The following ADCY9 variants were observed in gnomAD, a reference collection of about 807,000 sequenced individuals.
The protein encoded by ADCY9 is adenylate cyclase type 9.
In ADCY9, 50 loss-of-function variants were observed where a neutral mutation model predicts 101.5. The observed-to-expected ratio is 0.49, with a 90% CI of 0.39 to 0.62. ADCY9 has a LOEUF of 0.62. Ranked by LOEUF, ADCY9 falls within the 20% of genes least tolerant of loss-of-function variation. The probability of loss-of-function intolerance (pLI) is 0.00; values close to 1 mark genes in which losing one functional copy is unlikely to be tolerated. For missense variants in ADCY9, 1,662 were observed against 1,800.4 expected, an observed-to-expected ratio of 0.92 and a Z score of 1.39; for synonymous variants, 905 against 769.3, an observed-to-expected ratio of 1.18 and a Z score of -2.92.
intron 2 of ADCY9, among the ~76,000 whole-genome samples, chr16:4,053,019 T>C (rs560654334): frequency 1.3e-5 from 2 of 152,336 alleles, no homozygotes; most frequent in South Asian, 2.1e-4. Flanking sequence ...ACAAACTGAT[T>C]TTTTAATCAC....
intron 2 of ADCY9, among the ~76,000 whole-genome samples, chr16:4,018,951 T>TTGTGTGTGTGTGTGTG (rs58093859): frequency 0.093 from 12,844 of 138,850 alleles, 736 homozygotes; most frequent in South Asian, 0.23. Context: ...AGAATCGCAG[T>TTGTGTGTGTGTGTGTG]TGTGTGTGTG....
At chr16:4,038,201 A>G (rs1412766054) in intron 2 of ADCY9, among the ~76,000 whole-genome samples, 3 of 151,610 alleles carry the variant, frequency 2.0e-5, no homozygotes, top group Non-Finnish European at 4.4e-5. Context: ...GGATCGCCTG[A>G]GCCCAGGAGG....
chr16:4,045,594 TA>T (rs545715002), intron 2 of ADCY9, among the ~76,000 whole-genome samples: 7 of 64,962 alleles, frequency 1.1e-4, no homozygotes, highest in Admixed American at 8.8e-4. Context: ...GACTCTGCCT[TA>T]AAAAAAAAAA....
chr16:3,977,549 A>C lies in ADCY9; in HGVS notation c.2761T>G (p.Ser921Ala), dbSNP rs1464029468. The C allele has an allele frequency of 1.2e-6, 2 of 1,607,000 alleles. No individual in the cohort carries two copies. The highest frequency in any genetic ancestry group is 1.7e-6 in the Non-Finnish European group (2 of 1,177,216). ...GCCCCCACGACGGTGGCGAGGGAGG[A>C]CCTCATCCAGGAGCTGAGCTGGCAG... ...NFCQLSSWMR[S>A]SLATVVGAGP... The change falls in exon 9 of 11, where the codon TCC (serine) becomes GCC (alanine). Residue 921 changes from serine to alanine, a missense_variant. Ser to Ala is a moderately conservative substitution (Grantham distance 99). Coordinates refer to ENST00000294016, the MANE Select transcript of ADCY9 (RefSeq NM_001116.4).
intron 2 of ADCY9, among the ~76,000 whole-genome samples, chr16:4,041,613 A>G (rs1361265902): frequency 6.6e-6 from 1 of 151,956 alleles, no homozygotes; most frequent in Non-Finnish European, 1.5e-5. Flanking sequence ...ATCACAAATA[A>G]AGTACTAGCA....
intron 6 of ADCY9, among the ~76,000 whole-genome samples, chr16:3,988,413 G>C (rs1567425382): frequency 6.6e-6 from 1 of 151,016 alleles, no homozygotes; most frequent in Non-Finnish European, 1.5e-5. Flanking sequence ...GCTCTTCCAG[G>C]GCAGGTCGGT....
chr16:4,020,334 G>C (rs1190091123), intron 2 of ADCY9, among the ~76,000 whole-genome samples: 1 of 152,162 alleles, frequency 6.6e-6, no homozygotes, highest in Non-Finnish European at 1.5e-5. Context: ...GAATGAATTG[G>C]AAACAGAAAG....
Position 3,962,690 on chromosome 16 carries a change from T to C in ADCY9, c.*3085A>G, listed in dbSNP as rs2055947486. On this transcript the variant is annotated 3_prime_UTR_variant, in exon 11 of 11. Transcript: ENST00000294016. ...AATATTTTAATGTCCATTTCTTCAG[T>C]GAATGCATTTTGAAATTATTAGAAT... The C allele has an allele frequency of 6.6e-6, 1 of 152,162 alleles. No homozygotes were observed. Among genetic ancestry groups the C allele is most frequent in the Non-Finnish European group, 1.5e-5 (1 of 68,032 alleles). The allele number at this position is 152,162 out of a possible 1,614,324, so 9.4% of individuals were successfully genotyped here. A position where few individuals can be genotyped will look rare whatever the true frequency, so the allele number is the denominator to read the frequency against.
chr16:4,066,094 G>A (rs569075235), intron 2 of ADCY9, among the ~76,000 whole-genome samples: 8 of 152,208 alleles, frequency 5.3e-5, no homozygotes, highest in Non-Finnish European at 1.2e-4. Flanking sequence ...CCGCAGAGGA[G>A]ACGGTTCTCC....
chr16:4,105,114 T>C (rs1228392981), intron 2 of ADCY9, among the ~76,000 whole-genome samples: 1 of 152,054 alleles, frequency 6.6e-6, no homozygotes, highest in Non-Finnish European at 1.5e-5. Flanking sequence ...ATCCAGACAT[T>C]AAAGAGATTT....
At chr16:4,093,024 TTA>T (rs1211006369) in intron 2 of ADCY9, among the ~76,000 whole-genome samples, 3 of 145,182 alleles carry the variant, frequency 2.1e-5, no homozygotes, top group African/African-American at 7.4e-5. Context: ...AATTGCTATA[TTA>T]GTAAAAGCCA....
chr16:4,087,871 TTCTG>T (rs1242533771), intron 2 of ADCY9, among the ~76,000 whole-genome samples: 1 of 148,850 alleles, frequency 6.7e-6, no homozygotes, highest in Non-Finnish European at 1.5e-5. Context: ...TTCTCTTTGT[TTCTG>T]TCTCTCTCGC....
In ADCY9 at chr16:3,965,045, G is replaced by A. The variant is rs879619; in HGVS notation, c.*730C>T. The stretch of plus-strand genomic sequence containing the variant: ...TGAGACCCCCGAGGCCTGGGCACAC[G>A]GGCGTCGTGCCCGGCTGGCATTTGC... On this transcript the variant is annotated 3_prime_UTR_variant, in exon 11 of 11. Coordinates refer to ENST00000294016, the MANE Select transcript of ADCY9 (RefSeq NM_001116.4). The A allele has an allele frequency of 0.13, 20,309 of 152,270 alleles. 1,834 individuals are homozygous for A. The highest frequency in any genetic ancestry group is 0.27 in the East Asian group (1,368 of 5,148). 9.4% of individuals were successfully genotyped at this position (152,270 alleles called of 1,614,324 possible). A position where few individuals can be genotyped will look rare whatever the true frequency, so the allele number is the denominator to read the frequency against.
chr16:4,046,078 TG>T (rs1221083565), intron 2 of ADCY9, among the ~76,000 whole-genome samples: 1 of 152,022 alleles, frequency 6.6e-6, no homozygotes, highest in Non-Finnish European at 1.5e-5. Context: ...CTCCAAATCC[TG>T]GGCTCAAGTG....
Position 4,111,585 on chromosome 16 carries a change from A to G in ADCY9, c.1693+2165T>C, listed in dbSNP as rs146837809. 2.3e-4 allele frequency among the ~76,000 whole-genome samples: 35 copies of G among 152,296 alleles called. No homozygotes were observed. In the East Asian group the frequency reaches 6.4e-3, roughly 28 times the overall value. On this transcript the variant is annotated intron_variant, in intron 2 of 10. Coordinates refer to ENST00000294016, the MANE Select transcript of ADCY9 (RefSeq NM_001116.4). Reference sequence around the variant, plus strand: ...TTCCAAAAGGGCCAGGAAGTTGTGTAGACATACTCTATTCCTGGAGTCCTA... The same window carrying G: ...TTCCAAAAGGGCCAGGAAGTTGTGTGGACATACTCTATTCCTGGAGTCCTA...
intron 2 of ADCY9, among the ~76,000 whole-genome samples, chr16:4,064,135 A>T (rs1169003352): frequency 6.6e-6 from 1 of 152,246 alleles, no homozygotes; most frequent in Admixed American, 6.5e-5. Context: ...TTTTGTGTAT[A>T]CCAGCAATGA....
At chr16:3,999,839 G>A (rs10852639) in intron 3 of ADCY9, among the ~76,000 whole-genome samples, 14,163 of 152,250 alleles carry the variant, frequency 0.093, 856 homozygotes, top group Admixed American at 0.14. Flanking sequence ...ATTTCAGGAC[G>A]TGCACCCTAC....
intron 3 of ADCY9, among the ~76,000 whole-genome samples, chr16:4,000,730 C>CT (rs1275917920): frequency 6.6e-6 from 1 of 151,994 alleles, no homozygotes; most frequent in Non-Finnish European, 1.5e-5. Flanking sequence ...TCCCTTAGCC[C>CT]TAAAGGACCA....
At chr16:4,059,644 T>G (rs573027053) in intron 2 of ADCY9, among the ~76,000 whole-genome samples, 34 of 152,094 alleles carry the variant, frequency 2.2e-4, no homozygotes, top group Non-Finnish European at 1.2e-4. Context: ...CCACCTGCAA[T>G]TGTAGCACTT....
Sources: allele counts gnomAD v4.1 joint callset (sites outside exome capture counted in the v4.1 genomes callset), GRCh38; gene constraint gnomAD v4.1.1; transcripts MANE v1.5; gene names NCBI Gene and HGNC (gene_info 2026-07-23, HGNC 2026-07-21).